Variants in TENM2 observed in about 807,000 individuals in gnomAD.
TENM2 encodes teneurin transmembrane protein 2.
Under a neutral mutation model 245.2 loss-of-function variants are expected in TENM2, and 52 were observed. The observed-to-expected ratio is 0.21, with a 90% CI of 0.17 to 0.27. TENM2 has a LOEUF of 0.27. Ranked by LOEUF, TENM2 falls within the 10% of genes least tolerant of loss-of-function variation. The pLI, the probability that TENM2 is intolerant of heterozygous loss-of-function variation, is 1.00. For synonymous variants in TENM2, 1,363 were observed against 1,438.9 expected, an observed-to-expected ratio of 0.95 and a Z score of 1.19; for missense variants, 3,046 against 3,666.8, an observed-to-expected ratio of 0.83 and a Z score of 4.37.
chr5:167,923,962 T>G (rs957740383), intron 3 of TENM2, among the ~76,000 whole-genome samples: 1 of 152,224 alleles, frequency 6.6e-6, no homozygotes, highest in African/African-American at 2.4e-5. Context: ...CATTAAAGTC[T>G]ATCTTAATGC....
chr5:167,818,429 G>A (rs1319350250), intron 2 of TENM2, among the ~76,000 whole-genome samples: 1 of 152,116 alleles, frequency 6.6e-6, no homozygotes, highest in Non-Finnish European at 1.5e-5. Context: ...TAATAGCTGA[G>A]GGTTGTTATA....
intron 2 of TENM2, among the ~76,000 whole-genome samples, chr5:167,785,911 T>C (rs1369631579): frequency 6.6e-6 from 1 of 152,174 alleles, no homozygotes; most frequent in Non-Finnish European, 1.5e-5. Context: ...CTTTGTGTTA[T>C]AAAGCATGAG....
chr5:167,336,192 T>C (rs1757743778), intron 1 of TENM2, among the ~76,000 whole-genome samples: 3 of 147,834 alleles, frequency 2.0e-5, no homozygotes. Context: ...TTTTTTTTTT[T>C]TTTTTTTTCC....
At chr5:167,837,760 T>C (rs1222764798) in intron 2 of TENM2, among the ~76,000 whole-genome samples, 1 of 151,938 alleles carries the variant, frequency 6.6e-6, no homozygotes, top group African/African-American at 2.4e-5. Flanking sequence ...AACAATAGAC[T>C]CCAACCACAC....
intron 3 of TENM2, among the ~76,000 whole-genome samples, chr5:167,906,945 G>A (rs1015943496): frequency 1.3e-5 from 2 of 152,118 alleles, no homozygotes; most frequent in African/African-American, 2.4e-5. Context: ...TAAAATAAAG[G>A]ACGCAGGCCG....
At chr5:168,200,239 A>C (rs1175932757) in intron 17 of TENM2, 108 bp downstream of exon 19, 13 of 1,012,022 alleles carry the variant, frequency 1.3e-5, no homozygotes, top group Non-Finnish European at 1.9e-5. Flanking sequence ...TCAGTAGATA[A>C]GGACACGATG....
chr5:167,597,730 A>G (rs1244896499), intron 2 of TENM2, among the ~76,000 whole-genome samples: 3 of 123,830 alleles, frequency 2.4e-5, no homozygotes, highest in Non-Finnish European at 5.9e-5. Flanking sequence ...TCTGAATGCT[A>G]TCTTACTTTC....
rs1201255771 is a variant in TENM2, at chr5:167,872,538, AAG to A, written c.503-3446_503-3445del. On this transcript the variant is annotated intron_variant, in intron 2 of 28. Transcript: ENST00000518659. ...AAAGAAAGAAAGAAAGAAAGAAAGAAAGAAAGAAAGAGAAAGAAAGAAAGAAA... is the reference window on the plus strand; with the variant it reads ...AAAGAAAGAAAGAAAGAAAGAAAGAAAAAGAAAGAGAAAGAAAGAAAGAAA... 6.3e-3 allele frequency among the ~76,000 whole-genome samples: 306 copies of A among 48,558 alleles called. 3 individuals carry two copies. Among genetic ancestry groups the A allele is most frequent in the Middle Eastern group, 0.018 (2 of 110 alleles). 31.9% of individuals were successfully genotyped at this position (48,558 alleles called of 152,430 possible).
chr5:167,300,696 G>A (rs944663132), intron 1 of TENM2, among the ~76,000 whole-genome samples: 1 of 152,030 alleles, frequency 6.6e-6, no homozygotes, highest in Non-Finnish European at 1.5e-5. Flanking sequence ...GTGCATGATT[G>A]GTCGATAAGG....
the TENM2 span, among the ~76,000 whole-genome samples, chr5:167,069,755 G>A: frequency 8.5e-5 from 13 of 152,098 alleles, no homozygotes; most frequent in African/African-American, 3.1e-4. Context: ...TTTTCATTTA[G>A]CTGAACCATT....
intron 2 of TENM2, among the ~76,000 whole-genome samples, chr5:167,706,750 C>A (rs1758552990): frequency 6.6e-6 from 1 of 151,994 alleles, no homozygotes; most frequent in African/African-American, 2.4e-5. Context: ...CGCGGTGGCT[C>A]ACGCCTGTAA....
chr5:167,208,778 T>G, the TENM2 span, among the ~76,000 whole-genome samples: 1 of 152,248 alleles, frequency 6.6e-6, no homozygotes, highest in Non-Finnish European at 1.5e-5. Flanking sequence ...TTGAGAGATC[T>G]TTCAGCCTAT....
intron 2 of TENM2, among the ~76,000 whole-genome samples, chr5:167,827,631 G>C (rs1768086139): frequency 7.8e-6 from 1 of 128,414 alleles, no homozygotes; most frequent in African/African-American, 2.9e-5. Flanking sequence ...AGGTGGGCGG[G>C]GGGGGGGGAA....
chr5:167,585,528 T>C (rs991562899), intron 2 of TENM2, among the ~76,000 whole-genome samples: 1 of 152,186 alleles, frequency 6.6e-6, no homozygotes, highest in Non-Finnish European at 1.5e-5. Flanking sequence ...ATTAGGCCTA[T>C]GGGACCATGT....
At chr5:168,171,699 T>G (rs1407710835) in intron 13 of TENM2, among the ~76,000 whole-genome samples, 1 of 152,226 alleles carries the variant, frequency 6.6e-6, no homozygotes, top group Non-Finnish European at 1.5e-5. Context: ...ATTATGTTTT[T>G]TTCCCCCTGA....
chr5:167,929,509 C>T (rs566969210), intron 3 of TENM2, among the ~76,000 whole-genome samples: 34 of 152,270 alleles, frequency 2.2e-4, no homozygotes, highest in African/African-American at 7.9e-4. Context: ...AGTCATCTGT[C>T]TCTCTTACTA....
At chr5:167,585,485 G>A (rs1401126371) in intron 2 of TENM2, among the ~76,000 whole-genome samples, 1 of 152,184 alleles carries the variant, frequency 6.6e-6, no homozygotes, top group Non-Finnish European at 1.5e-5. Context: ...CAGAAATGAT[G>A]ATGCAGAATA....
At chr5:167,785,699 T>C (rs1195917684) in intron 2 of TENM2, among the ~76,000 whole-genome samples, 1 of 152,204 alleles carries the variant, frequency 6.6e-6, no homozygotes, top group Non-Finnish European at 1.5e-5. Context: ...CATAATAAAC[T>C]GCCAAAATAA....
chr5:166,984,593 GTTTT>G, the TENM2 span, among the ~76,000 whole-genome samples: 1 of 151,924 alleles, frequency 6.6e-6, no homozygotes, highest in Non-Finnish European at 1.5e-5. Flanking sequence ...TTTGTAACAT[GTTTT>G]TTTAAAAAAG....
Sources: allele counts gnomAD v4.1 joint callset (sites outside exome capture counted in the v4.1 genomes callset), GRCh38; gene constraint gnomAD v4.1.1; transcripts MANE v1.5; gene names NCBI Gene and HGNC (gene_info 2026-07-23, HGNC 2026-07-21).